CACNA1A: variants seen among roughly 807,000 people sequenced by gnomAD.
The protein encoded by CACNA1A is voltage-dependent P/Q-type calcium channel subunit alpha-1A.
CACNA1A carries 57 observed loss-of-function variants against 262.4 expected under a neutral mutation model. The ratio of observed to expected loss-of-function variants is 0.22; its 90% confidence interval spans 0.18 to 0.27. The LOEUF is 0.27. Among genes scored for constraint, CACNA1A ranks in the 10% least tolerant of loss-of-function variants. The pLI is 1.00. For synonymous variants in CACNA1A, 1,431 were observed against 1,419.3 expected, an observed-to-expected ratio of 1.01 and a Z score of -0.18; for missense variants, 2,526 against 3,562.8, an observed-to-expected ratio of 0.71 and a Z score of 7.41.
chr19:13,409,472 G>C (rs1373847636), intron 3 of CACNA1A, among the ~76,000 whole-genome samples: 2 of 152,014 alleles, frequency 1.3e-5, no homozygotes, highest in Non-Finnish European at 2.9e-5. Context: ...CATTGTTGAT[G>C]TCTGTATCTC....
At chr19:13,270,882 G>A (rs1275817904) in intron 24 of CACNA1A, among the ~76,000 whole-genome samples, 1 of 152,182 alleles carries the variant, frequency 6.6e-6, no homozygotes, top group East Asian at 1.9e-4. Context: ...CCAGGCACTT[G>A]CCAGGATCCT....
chr19:13,401,258 G>A (rs906326146), intron 3 of CACNA1A, among the ~76,000 whole-genome samples: 1 of 152,196 alleles, frequency 6.6e-6, no homozygotes, highest in African/African-American at 2.4e-5. Context: ...TCTGCAGCCA[G>A]ATTTCCTGGA....
At chr19:13,378,628 C>G (rs1328836095) in intron 3 of CACNA1A, among the ~76,000 whole-genome samples, 1 of 151,126 alleles carries the variant, frequency 6.6e-6, no homozygotes, top group Non-Finnish European at 1.5e-5. Context: ...TGATTGTTAA[C>G]TTTTTTAGTA....
chr19:13,407,692 C>T (rs115017325), intron 3 of CACNA1A, among the ~76,000 whole-genome samples: 2,518 of 152,300 alleles, frequency 0.017, 17 homozygotes, highest in Middle Eastern at 0.027. Flanking sequence ...AACAATGCTT[C>T]TCTTTGCTGT....
intron 28 of CACNA1A, chr19:13,256,349 G>T (rs2056569429): frequency 6.6e-6 from 1 of 152,152 alleles, no homozygotes. Flanking sequence ...CTTTGAGGGA[G>T]AGAGAAGGAG....
At chr19:13,338,794 T>C (rs1016460413) in intron 6 of CACNA1A, among the ~76,000 whole-genome samples, 1 of 152,302 alleles carries the variant, frequency 6.6e-6, no homozygotes, top group East Asian at 1.9e-4. Flanking sequence ...TGTGTTTAGT[T>C]TGTGACAATT....
intron 1 of CACNA1A, among the ~76,000 whole-genome samples, chr19:13,468,780 CTG>C (rs763981435): frequency 1.2e-4 from 19 of 152,154 alleles, no homozygotes; most frequent in Non-Finnish European, 2.6e-4. Context: ...GAGCAAGACT[CTG>C]TCTCAAAATT....
At chr19:13,393,744 CT>C (rs1312334489) in intron 3 of CACNA1A, among the ~76,000 whole-genome samples, 1 of 131,618 alleles carries the variant, frequency 7.6e-6, no homozygotes, top group Non-Finnish European at 1.6e-5. Flanking sequence ...TTCCTTTTCT[CT>C]CTCTCCCCTT....
At chr19:13,502,043 C>T (rs553444274) in intron 1 of CACNA1A, among the ~76,000 whole-genome samples, 59 of 152,176 alleles carry the variant, frequency 3.9e-4, no homozygotes, top group East Asian at 9.7e-4. Context: ...CTGCCCTCTA[C>T]GGCAGTACCT....
intron 28 of CACNA1A, chr19:13,257,030 T>G (rs1035066254): frequency 2.6e-5 from 5 of 192,710 alleles, no homozygotes; most frequent in African/African-American, 1.2e-4. Context: ...GGAACCAGAA[T>G]AAAGATGGCA....
At position 13,221,265 on chromosome 19, in the gene CACNA1A, G is replaced by A. The variant is rs1438619061; in HGVS notation, c.5731+3402C>T. On this transcript the variant is annotated intron_variant, in intron 38 of 46. Transcript: ENST00000360228. ...TTTTTTTTTTTTGAGACAGAGTCTT[G>A]CTGTGTCCCCCAGGCTGGAGTGCAA... Among the ~76,000 whole-genome samples, 3 of 21,762 alleles carry A rather than the reference G, an allele frequency of 1.4e-4. No homozygotes were observed. The East Asian group carries it at 5.3e-3, about 39-fold the overall frequency. 14.3% of individuals were successfully genotyped at this position (21,762 alleles called of 152,430 possible).
At chr19:13,319,798 C>CTACT (rs2058209775) in intron 10 of CACNA1A, among the ~76,000 whole-genome samples, 1 of 152,150 alleles carries the variant, frequency 6.6e-6, no homozygotes. Context: ...ATACGACAAG[C>CTACT]TACTTACTCC....
At chr19:13,350,087 C>A (rs753052343) in intron 6 of CACNA1A, among the ~76,000 whole-genome samples, 6 of 152,184 alleles carry the variant, frequency 3.9e-5, no homozygotes, top group Non-Finnish European at 8.8e-5. Flanking sequence ...TCCAGTAAAC[C>A]TGCATTTGTA....
At chr19:13,330,412 TGG>T in intron 9 of CACNA1A, 79 bp from the exon 10 acceptor site, 1 of 994,482 alleles carries the variant, frequency 1.0e-6, no homozygotes, top group Non-Finnish European at 1.6e-6. Context: ...AGTGTGTCCT[TGG>T]ATTTAACTCT....
At chr19:13,232,303 C>T (rs1332747360) in intron 34 of CACNA1A, among the ~76,000 whole-genome samples, 2 of 151,474 alleles carry the variant, frequency 1.3e-5, no homozygotes, top group Non-Finnish European at 2.9e-5. Flanking sequence ...CTCAGGTGAT[C>T]CTCCCGCCTC....
chr19:13,247,027 G>C (rs951270887), intron 30 of CACNA1A, among the ~76,000 whole-genome samples: 2 of 152,222 alleles, frequency 1.3e-5, no homozygotes, highest in African/African-American at 4.8e-5. Context: ...CCTCAACCGG[G>C]TACTGACATG....
At chr19:13,273,301 C>T (rs1281163940) in intron 24 of CACNA1A, 1 of 152,122 alleles carries the variant, frequency 6.6e-6, no homozygotes, top group African/African-American at 2.4e-5. Flanking sequence ...TGTTTATTAG[C>T]TAAAAAAATC....
At chr19:13,369,863 A>T (rs2059287081) in intron 4 of CACNA1A, among the ~76,000 whole-genome samples, 1 of 152,070 alleles carries the variant, frequency 6.6e-6, no homozygotes, top group Non-Finnish European at 1.5e-5. Flanking sequence ...ATCTGCTGGG[A>T]TCTTGCAGAG....
Position 13,379,556 on chromosome 19 carries a change from A to G in CACNA1A, c.540-7777T>C, listed in dbSNP as rs182790714. Among the ~76,000 whole-genome samples the G allele has an allele frequency of 1.3e-3, 198 of 152,144 alleles. 1 individual carries two copies. Among genetic ancestry groups the G allele is most frequent in the Non-Finnish European group, 2.1e-3 (144 of 68,004 alleles). On this transcript the variant is annotated intron_variant, in intron 3 of 46. Coordinates refer to ENST00000360228, the MANE Select transcript of CACNA1A (RefSeq NM_001127222.2). ...GCGTCAGTGACATGGGGCTGGCGGG[A>G]TGAAGGGAGTGGTGACATTTCTATC...
Sources: gnomAD v4.1 joint callset for allele counts (sites outside exome capture counted in the v4.1 genomes callset) on GRCh38, gnomAD v4.1.1 for gene constraint, MANE v1.5 for transcripts, NCBI Gene and HGNC (gene_info 2026-07-23, HGNC 2026-07-21) for gene names.